GLCCI1: variants seen among roughly 807,000 people sequenced by gnomAD.
The protein encoded by GLCCI1 is glucocorticoid-induced transcript 1 protein.
Under a neutral mutation model 52.2 loss-of-function variants are expected in GLCCI1, and 24 were observed. That is an observed-to-expected ratio of 0.46 (90% confidence interval 0.33 to 0.65). GLCCI1 has a LOEUF of 0.65. Among genes scored for constraint, GLCCI1 ranks in the 30% least tolerant of loss-of-function variants. The probability of loss-of-function intolerance (pLI) is 0.02; values close to 1 mark genes in which losing one functional copy is unlikely to be tolerated. For synonymous variants in GLCCI1, 310 were observed against 276.5 expected (o/e 1.12, Z -1.20); for missense variants, 704 against 701.5 (o/e 1.00, Z -0.04).
At chr7:8,073,019 T>C (rs1782797127) in intron 6 of GLCCI1, among the ~76,000 whole-genome samples, 1 of 152,178 alleles carries the variant, frequency 6.6e-6, no homozygotes, top group East Asian at 1.9e-4. Flanking sequence ...TTCTTTAATA[T>C]ATAATAGCTC....
chr7:8,043,336 A>T (rs1782044845), intron 3 of GLCCI1, among the ~76,000 whole-genome samples: 1 of 152,056 alleles, frequency 6.6e-6, no homozygotes, highest in Non-Finnish European at 1.5e-5. Context: ...TGTGGTAAAA[A>T]AAAAAAAAGC....
At chr7:8,027,684 G>GA (rs796859194) in intron 3 of GLCCI1, among the ~76,000 whole-genome samples, 340 of 139,470 alleles carry the variant, frequency 2.4e-3, no homozygotes, top group East Asian at 9.3e-3. Flanking sequence ...CTGAATGGAT[G>GA]AAAAAAAAAA....
rs1215576259 is a variant in GLCCI1, at chr7:8,032,031, G to A, written c.696+9462G>A. Among the ~76,000 whole-genome samples, 3 of 152,016 alleles carry A rather than the reference G, an allele frequency of 2.0e-5. No homozygotes were observed. The East Asian group carries it at 5.8e-4, about 29-fold the overall frequency. ...TCCCATTATTGAGAAACCAATTAGA[G>A]AATCAGCAAGGTGATAGAAGACTTT... is the stretch of plus-strand genomic sequence containing the variant. On this transcript the variant is annotated intron_variant, in intron 3 of 7. Coordinates refer to ENST00000223145, the MANE Select transcript of GLCCI1 (RefSeq NM_138426.4).
At chr7:8,043,484 T>A (rs1782048754) in intron 3 of GLCCI1, among the ~76,000 whole-genome samples, 2 of 152,176 alleles carry the variant, frequency 1.3e-5, no homozygotes, top group Admixed American at 6.5e-5. Context: ...TAAGACTACA[T>A]GTTATATGAT....
chr7:8,022,409 A>G (rs1583979022), intron 2 of GLCCI1, 74 bp from the exon 3 acceptor site: 2 of 810,388 alleles, frequency 2.5e-6, no homozygotes, highest in East Asian at 7.6e-5. Flanking sequence ...AGAATTTTAA[A>G]TATGTTTCAG....
intron 5 of GLCCI1, among the ~76,000 whole-genome samples, chr7:8,065,702 ATTGATATGCATATG>A (rs1782617144): frequency 6.6e-6 from 1 of 152,206 alleles, no homozygotes; most frequent in South Asian, 2.1e-4. Context: ...AATCACATTT[ATTGATATGCATATG>A]TTGAACCAAC....
intron 6 of GLCCI1, among the ~76,000 whole-genome samples, chr7:8,082,196 A>G (rs964604309): frequency 6.6e-6 from 1 of 152,198 alleles, no homozygotes; most frequent in Admixed American, 6.5e-5. Context: ...AATAGTTTGT[A>G]CATTCAAGTC....
intron 5 of GLCCI1, among the ~76,000 whole-genome samples, chr7:8,065,133 A>C (rs1202670633): frequency 1.3e-5 from 2 of 152,116 alleles, no homozygotes; most frequent in Non-Finnish European, 2.9e-5. Context: ...CATTCTAGAG[A>C]TCTTTCCCTT....
At chr7:8,022,175 T>G (rs1178403521) in intron 2 of GLCCI1, among the ~76,000 whole-genome samples, 3 of 152,192 alleles carry the variant, frequency 2.0e-5, no homozygotes, top group African/African-American at 4.8e-5. Flanking sequence ...GCTATTCTCT[T>G]TAAAAACACC....
At chr7:8,017,688 T>TAA (rs959565517) in intron 2 of GLCCI1, among the ~76,000 whole-genome samples, 1 of 151,332 alleles carries the variant, frequency 6.6e-6, no homozygotes, top group Non-Finnish European at 1.5e-5. Context: ...TCCTAAAGCT[T>TAA]AAAAAAAAAC....
intron 1 of GLCCI1, among the ~76,000 whole-genome samples, chr7:7,999,633 G>C (rs1055775350): frequency 6.6e-6 from 1 of 150,978 alleles, no homozygotes; most frequent in Non-Finnish European, 1.5e-5. Flanking sequence ...GGCTGGGAGT[G>C]GTGGCTTATA....
chr7:8,080,327 G>A lies in GLCCI1; in HGVS notation c.1178-4570G>A, dbSNP rs912925868. On this transcript the variant is annotated intron_variant, in intron 6 of 7. Transcript: ENST00000223145. ...ATGCTTTAGTATGTCATTGAGTAAA[G>A]TGTTGGTTGAACAGTGTACTCACTT... is the stretch of plus-strand genomic sequence containing the variant. 2.0e-5 allele frequency among the ~76,000 whole-genome samples: 3 copies of A among 151,656 alleles called. No individual in the cohort carries two copies. The East Asian group carries it at 5.8e-4, about 29-fold the overall frequency.
At chr7:8,012,514 G>A (rs1326967102) in intron 2 of GLCCI1, among the ~76,000 whole-genome samples, 3 of 128,998 alleles carry the variant, frequency 2.3e-5, no homozygotes, top group Non-Finnish European at 4.7e-5. Flanking sequence ...GTGTGATCTC[G>A]GCTCACTGCA....
intron 3 of GLCCI1, among the ~76,000 whole-genome samples, chr7:8,030,947 A>C (rs1446902234): frequency 1.3e-5 from 2 of 152,080 alleles, no homozygotes; most frequent in Non-Finnish European, 2.9e-5. Flanking sequence ...GGGGATGTAA[A>C]TTAGTACAAC....
intron 6 of GLCCI1, among the ~76,000 whole-genome samples, chr7:8,078,950 T>C (rs989671386): frequency 2.0e-5 from 3 of 152,224 alleles, no homozygotes; most frequent in African/African-American, 7.2e-5. Flanking sequence ...AAGAATTTTT[T>C]TAAAAAGAGG....
At chr7:8,011,258 C>G (rs1015961171) in intron 2 of GLCCI1, among the ~76,000 whole-genome samples, 8 of 152,096 alleles carry the variant, frequency 5.3e-5, no homozygotes, top group Non-Finnish European at 1.2e-4. Flanking sequence ...TACTTTTTTA[C>G]TTTTTCCAGC....
At chr7:8,077,088 G>A (rs1435889403) in intron 6 of GLCCI1, among the ~76,000 whole-genome samples, 2 of 152,142 alleles carry the variant, frequency 1.3e-5, no homozygotes, top group Non-Finnish European at 2.9e-5. Flanking sequence ...GAAATAAGGG[G>A]AAAGGAAGTA....
At chr7:7,976,516 G>GGAAAA (rs1780475752) in intron 1 of GLCCI1, among the ~76,000 whole-genome samples, 1 of 126,914 alleles carries the variant, frequency 7.9e-6, no homozygotes, top group Admixed American at 8.0e-5. Flanking sequence ...AAAAAGGAAA[G>GGAAAA]GAGAAAGGAA....
intron 2 of GLCCI1, among the ~76,000 whole-genome samples, chr7:8,012,208 T>C (rs918213142): frequency 1.4e-4 from 22 of 152,144 alleles, no homozygotes; most frequent in Non-Finnish European, 3.2e-4. Context: ...GATTTTCGAT[T>C]TGTATTTCCT....
Sources: gnomAD v4.1 joint callset for allele counts (sites outside exome capture counted in the v4.1 genomes callset) on GRCh38, gnomAD v4.1.1 for gene constraint, MANE v1.5 for transcripts, NCBI Gene and HGNC (gene_info 2026-07-23, HGNC 2026-07-21) for gene names.